Variants in LRP1B observed in about 807,000 individuals in gnomAD.
The protein encoded by LRP1B is LDL receptor related protein 1B.
In LRP1B, 217 loss-of-function variants were observed where a neutral mutation model predicts 556.6. That is an observed-to-expected ratio of 0.39 (90% CI 0.35 to 0.44). The LOEUF (loss-of-function observed/expected upper bound fraction) is 0.44, where lower values mean the gene tolerates loss of function less well. Ranked by LOEUF, LRP1B falls within the 20% of genes least tolerant of loss-of-function variation. The probability of loss-of-function intolerance (pLI) is 1.00; values close to 1 mark genes in which losing one functional copy is unlikely to be tolerated. For missense variants in LRP1B, 5,053 were observed against 5,620.8 expected, an observed-to-expected ratio of 0.90 and a Z score of 3.23; for synonymous variants, 2,047 against 1,865.8, an observed-to-expected ratio of 1.10 and a Z score of -2.50.
At chr2:141,420,744 G>A (rs558884055) in intron 3 of LRP1B, among the ~76,000 whole-genome samples, 1 of 152,242 alleles carries the variant, frequency 6.6e-6, no homozygotes, top group South Asian at 2.1e-4. Context: ...GCTGGATTTT[G>A]CCCAGCCATG....
intron 82 of LRP1B, 126 bp downstream of exon 82, chr2:140,321,837 C>A (rs552046737): frequency 5.2e-5 from 46 of 891,534 alleles, no homozygotes; most frequent in South Asian, 4.3e-4. Flanking sequence ...CACAGGCATT[C>A]AAGAACCACT....
chr2:142,016,168 T>C (rs1703124292), intron 1 of LRP1B, among the ~76,000 whole-genome samples: 2 of 151,892 alleles, frequency 1.3e-5, no homozygotes, highest in Admixed American at 6.6e-5. Flanking sequence ...GATCATTAAA[T>C]AGTCAGGAAA....
chr2:140,978,024 A>G (rs1573944244), intron 18 of LRP1B, among the ~76,000 whole-genome samples: 1 of 152,192 alleles, frequency 6.6e-6, no homozygotes, highest in Non-Finnish European at 1.5e-5. Context: ...CACAATTTGA[A>G]TATGTCTTCT....
At chr2:140,751,539 T>C (rs1002311930) in intron 35 of LRP1B, among the ~76,000 whole-genome samples, 8 of 152,216 alleles carry the variant, frequency 5.3e-5, no homozygotes, top group Admixed American at 1.3e-4. Context: ...TTTCATCCCT[T>C]GATACCTGAG....
intron 2 of LRP1B, among the ~76,000 whole-genome samples, chr2:141,508,920 G>A (rs1352529203): frequency 1.3e-5 from 2 of 152,054 alleles, no homozygotes; most frequent in Admixed American, 1.3e-4. Context: ...AACAATTAGA[G>A]AAATATAAAA....
At chr2:141,563,765 C>A (rs1686241334) in intron 2 of LRP1B, among the ~76,000 whole-genome samples, 1 of 151,982 alleles carries the variant, frequency 6.6e-6, no homozygotes, top group African/African-American at 2.4e-5. Context: ...AAGAGAATTA[C>A]ACAGGAACAG....
chr2:140,817,667 T>C (rs939673048), intron 31 of LRP1B, among the ~76,000 whole-genome samples: 2 of 152,104 alleles, frequency 1.3e-5, no homozygotes, highest in African/African-American at 4.8e-5. Flanking sequence ...AAATTAAGTT[T>C]GTTAAGTTTT....
At chr2:141,992,412 G>C (rs1385343076) in intron 1 of LRP1B, among the ~76,000 whole-genome samples, 1 of 152,088 alleles carries the variant, frequency 6.6e-6, no homozygotes, top group South Asian at 2.1e-4. Context: ...CCATTAATTG[G>C]AATAGATGGT....
intron 41 of LRP1B, among the ~76,000 whole-genome samples, chr2:140,631,350 T>G (rs934205289): frequency 2.6e-5 from 4 of 152,202 alleles, no homozygotes; most frequent in Admixed American, 1.3e-4. Flanking sequence ...TAGCAGAGAT[T>G]TTGGAGTTAT....
At chr2:140,974,924 ACTGATGAGATGTTTTTT>A (rs1275031391) in intron 18 of LRP1B, among the ~76,000 whole-genome samples, 5 of 152,194 alleles carry the variant, frequency 3.3e-5, no homozygotes, top group Non-Finnish European at 7.3e-5. Flanking sequence ...CTGAGAAGGC[ACTGATGAGATGTTTTTT>A]CTGCAAGTGT....
rs1334266367 is a variant in LRP1B at position 141,404,298 on chromosome 2, T to C, written c.343+76098A>G. Among the ~76,000 whole-genome samples the C allele has an allele frequency of 3.3e-5, 5 of 152,204 alleles. No individual in the cohort carries two copies. In the East Asian group the frequency reaches 9.6e-4, roughly 29 times the overall value. ...TTTGATGTGATGAAGATCGTAGTAG[T>C]TACTTTAAGAAAAATCAGTTTTCTT... On this transcript the variant is annotated intron_variant, in intron 3 of 90. Transcript: ENST00000389484.
At chr2:141,541,096 A>C (rs1021295945) in intron 2 of LRP1B, among the ~76,000 whole-genome samples, 1 of 152,036 alleles carries the variant, frequency 6.6e-6, no homozygotes, top group Non-Finnish European at 1.5e-5. Flanking sequence ...ACAAAACATG[A>C]ATAACAAGTC....
At chr2:141,103,036 G>T (rs1439436871) in intron 7 of LRP1B, among the ~76,000 whole-genome samples, 2 of 151,674 alleles carry the variant, frequency 1.3e-5, no homozygotes, top group African/African-American at 4.8e-5. Context: ...TTTTATTTCA[G>T]TATTTATTGA....
intron 43 of LRP1B, among the ~76,000 whole-genome samples, chr2:140,549,769 C>T (rs2105044653): frequency 6.6e-6 from 1 of 152,208 alleles, no homozygotes; most frequent in South Asian, 2.1e-4. Context: ...CAAATTCACA[C>T]AGAGATCATG....
At chr2:140,609,550 C>A (rs559734301) in intron 41 of LRP1B, among the ~76,000 whole-genome samples, 5 of 152,116 alleles carry the variant, frequency 3.3e-5, no homozygotes, top group Admixed American at 2.6e-4. Flanking sequence ...AGTGTTTCAC[C>A]CCAATCTTAA....
At chr2:141,877,352 A>G (rs1261539303) in intron 1 of LRP1B, among the ~76,000 whole-genome samples, 1 of 151,920 alleles carries the variant, frequency 6.6e-6, no homozygotes, top group African/African-American at 2.4e-5. Flanking sequence ...AAGGGATTTC[A>G]TTTCCCAACC....
intron 3 of LRP1B, among the ~76,000 whole-genome samples, chr2:141,448,534 G>A (rs192081111): frequency 6.6e-6 from 1 of 152,298 alleles, no homozygotes; most frequent in East Asian, 1.9e-4. Flanking sequence ...GAAACCCAGG[G>A]CCTTGGTGGT....
intron 3 of LRP1B, among the ~76,000 whole-genome samples, chr2:141,469,255 T>C (rs1271017563): frequency 6.6e-6 from 1 of 152,188 alleles, no homozygotes; most frequent in Non-Finnish European, 1.5e-5. Flanking sequence ...AAGAAATAAT[T>C]GTTTGATCTG....
At chr2:141,804,050 T>C (rs1004305) in intron 2 of LRP1B, among the ~76,000 whole-genome samples, 29,764 of 152,098 alleles carry the variant, frequency 0.2, 3,322 homozygotes, top group East Asian at 0.39. Context: ...CTTGTTCTTT[T>C]TATTGCATTG....
Sources: allele counts gnomAD v4.1 joint callset (sites outside exome capture counted in the v4.1 genomes callset), GRCh38; gene constraint gnomAD v4.1.1; transcripts MANE v1.5; gene names NCBI Gene and HGNC (gene_info 2026-07-23, HGNC 2026-07-21).